Variants in NUBPL observed in about 807,000 individuals in gnomAD.
The protein encoded by NUBPL is iron-sulfur cluster transfer protein NUBPL.
NUBPL carries 31 observed loss-of-function variants against 45.7 expected under a neutral mutation model. That is an observed-to-expected ratio of 0.68 (90% CI 0.51 to 0.92). NUBPL has a LOEUF of 0.92. Among genes scored for constraint, NUBPL ranks in the 40% least tolerant of loss-of-function variants. The pLI is 0.00. For synonymous variants in NUBPL, 144 were observed against 140.9 expected, an observed-to-expected ratio of 1.02 and a Z score of -0.15; for missense variants, 401 against 398.7, an observed-to-expected ratio of 1.01 and a Z score of -0.05.
chr14:31,677,638 C>G (rs1433687429), intron 6 of NUBPL, among the ~76,000 whole-genome samples: 2 of 152,196 alleles, frequency 1.3e-5, no homozygotes, highest in Non-Finnish European at 2.9e-5. Context: ...GTTCTCTTCC[C>G]TTACTTTCTC....
intron 8 of NUBPL, among the ~76,000 whole-genome samples, chr14:31,834,233 T>A (rs1461272924): frequency 7.6e-6 from 1 of 131,558 alleles, no homozygotes; most frequent in East Asian, 2.3e-4. Flanking sequence ...CAGGCTGGAG[T>A]GCAGTGGTGT....
At chr14:31,651,087 G>C (rs12589170) in intron 4 of NUBPL, among the ~76,000 whole-genome samples, 66,124 of 152,082 alleles carry the variant, frequency 0.43, 17,236 homozygotes, top group East Asian at 0.6. Flanking sequence ...ATGAGATTTG[G>C]AGAGGCCAGT....
At chr14:31,711,206 C>T (rs1351898586) in intron 6 of NUBPL, among the ~76,000 whole-genome samples, 5 of 152,100 alleles carry the variant, frequency 3.3e-5, no homozygotes, top group African/African-American at 9.7e-5. Context: ...TCCTCTCTGT[C>T]GACCCTTGGC....
At chr14:31,569,973 T>A (rs2033538741) in intron 3 of NUBPL, among the ~76,000 whole-genome samples, 1 of 152,218 alleles carries the variant, frequency 6.6e-6, no homozygotes, top group African/African-American at 2.4e-5. Context: ...GCACTGAGAC[T>A]GGGAGAGGGA....
At chr14:31,832,839 C>T (rs960225473) in intron 8 of NUBPL, among the ~76,000 whole-genome samples, 2 of 152,072 alleles carry the variant, frequency 1.3e-5, no homozygotes. Context: ...TTAGTTTTCT[C>T]AATCATCATA....
In NUBPL at chr14:31,821,761, A is replaced by G. The variant is rs151147656; in HGVS notation, c.608-4868A>G. 4.7e-3 allele frequency among the ~76,000 whole-genome samples: 710 copies of G among 152,368 alleles called. 6 individuals are homozygous for G. Among genetic ancestry groups the G allele is most frequent in the African/African-American group, 0.016 (682 of 41,596 alleles). On this transcript the variant is annotated intron_variant, in intron 7 of 10. Transcript: ENST00000281081. ...CATGTTTATTGCAGCAGTGTTCACA[A>G]TAGCCAAGATTTGAAAGCAACCTAA...
chr14:31,842,115 G>A (rs1021976910), intron 8 of NUBPL, among the ~76,000 whole-genome samples: 3 of 151,338 alleles, frequency 2.0e-5, no homozygotes, highest in Admixed American at 6.6e-5. Context: ...ATTTTTAGTA[G>A]AGATGGGGTT....
intron 4 of NUBPL, among the ~76,000 whole-genome samples, chr14:31,637,509 G>C (rs1213198820): frequency 4.6e-5 from 7 of 152,106 alleles, no homozygotes; most frequent in Non-Finnish European, 8.8e-5. Flanking sequence ...TTACTTCCAA[G>C]TATGTGGTCA....
chr14:31,720,558 G>A (rs906512870), intron 6 of NUBPL, among the ~76,000 whole-genome samples: 3 of 152,078 alleles, frequency 2.0e-5, no homozygotes, highest in Non-Finnish European at 4.4e-5. Flanking sequence ...AGTCCTTTGT[G>A]TACTTTGTTT....
chr14:31,618,560 T>G (rs1191714824), intron 4 of NUBPL, among the ~76,000 whole-genome samples: 1 of 152,234 alleles, frequency 6.6e-6, no homozygotes, highest in Non-Finnish European at 1.5e-5. Flanking sequence ...CAGGAGCAGG[T>G]TGTTCAGTTT....
chr14:31,786,472 A>G (rs2039286349), intron 6 of NUBPL, among the ~76,000 whole-genome samples: 1 of 152,192 alleles, frequency 6.6e-6, no homozygotes, highest in Non-Finnish European at 1.5e-5. Flanking sequence ...TTTTCTGTGC[A>G]CATTTTACTG....
chr14:31,828,037 A>AAG (rs4011636), intron 8 of NUBPL, among the ~76,000 whole-genome samples: 45,874 of 152,030 alleles, frequency 0.3, 7,846 homozygotes, highest in South Asian at 0.42. Context: ...GCTTATAAGG[A>AAG]AGGTGCCTGT....
chr14:31,817,102 G>A (rs1388651927), intron 7 of NUBPL, among the ~76,000 whole-genome samples: 1 of 151,930 alleles, frequency 6.6e-6, no homozygotes, highest in Non-Finnish European at 1.5e-5. Flanking sequence ...TCAACTTAAT[G>A]AAATAAAGCA....
chr14:31,802,086 G>T (rs1274858484), intron 7 of NUBPL, among the ~76,000 whole-genome samples: 1 of 152,120 alleles, frequency 6.6e-6, no homozygotes, highest in Non-Finnish European at 1.5e-5. Flanking sequence ...AGAAGTGATT[G>T]GGTCATCAGG....
At chr14:31,821,739 G>A (rs544359268) in intron 7 of NUBPL, among the ~76,000 whole-genome samples, 9 of 152,238 alleles carry the variant, frequency 5.9e-5, no homozygotes, top group Non-Finnish European at 1.2e-4. Context: ...GTACTCCCAT[G>A]TTTATTGCAG....
At chr14:31,677,782 G>T (rs1179919402) in intron 6 of NUBPL, among the ~76,000 whole-genome samples, 1 of 152,188 alleles carries the variant, frequency 6.6e-6, no homozygotes, top group African/African-American at 2.4e-5. Flanking sequence ...ACTGGGTCTT[G>T]TCCTGCTGTT....
chr14:31,725,548 C>G (rs924713569), intron 6 of NUBPL, among the ~76,000 whole-genome samples: 1 of 152,130 alleles, frequency 6.6e-6, no homozygotes, highest in East Asian at 1.9e-4. Context: ...TACACATAGC[C>G]TGAAGGCAAT....
intron 4 of NUBPL, among the ~76,000 whole-genome samples, chr14:31,633,112 A>G (rs545944028): frequency 5.8e-4 from 88 of 152,280 alleles, no homozygotes; most frequent in Middle Eastern, 3.4e-3. Flanking sequence ...AGCATCCAGG[A>G]AAGATGCTGC....
chr14:31,817,269 A>G (rs2039936956), intron 7 of NUBPL, among the ~76,000 whole-genome samples: 1 of 152,120 alleles, frequency 6.6e-6, no homozygotes, highest in African/African-American at 2.4e-5. Flanking sequence ...ATCCAGGAGA[A>G]TTTTCCTTCC....
Sources: allele counts gnomAD v4.1 joint callset (sites outside exome capture counted in the v4.1 genomes callset), GRCh38; gene constraint gnomAD v4.1.1; transcripts MANE v1.5; gene names NCBI Gene and HGNC (gene_info 2026-07-23, HGNC 2026-07-21).